The following MBTPS1 variants were observed in gnomAD, a reference collection of about 807,000 sequenced individuals.
MBTPS1 encodes the protein membrane-bound transcription factor site-1 protease.
A neutral mutation model predicts 127.8 loss-of-function variants in MBTPS1; 94 were observed. The observed-to-expected ratio is 0.74, with a 90% CI of 0.62 to 0.87. The LOEUF is 0.87. Ranked by LOEUF, MBTPS1 falls within the 40% of genes least tolerant of loss-of-function variation. The pLI, the probability that MBTPS1 is intolerant of heterozygous loss-of-function variation, is 0.00. For missense variants in MBTPS1, 1,636 were observed against 1,353.2 expected, an observed-to-expected ratio of 1.21 and a Z score of -3.28; for synonymous variants, 632 against 509.4, an observed-to-expected ratio of 1.24 and a Z score of -3.24.
intron 10 of MBTPS1, among the ~76,000 whole-genome samples, chr16:84,082,403 T>C (rs925580481): frequency 1.3e-5 from 2 of 152,102 alleles, no homozygotes; most frequent in Admixed American, 6.5e-5. Context: ...TGTTTCCAGA[T>C]TGGGAGGCTT....
At chr16:84,056,916 G>A (rs1018363032) in intron 21 of MBTPS1, 10 of 152,230 alleles carry the variant, frequency 6.6e-5, no homozygotes, top group Admixed American at 1.3e-4. Flanking sequence ...AGCGAAGAGC[G>A]CGATGGGAAA....
intron 21 of MBTPS1, 116 bp downstream of exon 21, chr16:84,059,186 G>C (rs767438918): frequency 7.4e-7 from 1 of 1,354,202 alleles, no homozygotes; most frequent in Non-Finnish European, 1.0e-6. Flanking sequence ...CAAATGACAA[G>C]CTTGAAGATC....
chr16:84,104,847 C>T (rs955352181), intron 1 of MBTPS1, among the ~76,000 whole-genome samples: 5 of 151,746 alleles, frequency 3.3e-5, no homozygotes, highest in Admixed American at 6.6e-5. Context: ...AGGCTGAGGC[C>T]GGCGGATCAC....
At chr16:84,107,282 T>C (rs983616161) in intron 1 of MBTPS1, among the ~76,000 whole-genome samples, 1 of 152,210 alleles carries the variant, frequency 6.6e-6, no homozygotes, top group Non-Finnish European at 1.5e-5. Flanking sequence ...GCCGCCAGAC[T>C]GTACCTTACC....
chr16:84,071,830 A>G (rs2085773580), intron 12 of MBTPS1: 2 of 152,206 alleles, frequency 1.3e-5, no homozygotes, highest in African/African-American at 2.4e-5. Context: ...CTGAACACAC[A>G]GCAATGGTGA....
chr16:84,115,620 T>C (rs943225315), intron 1 of MBTPS1, among the ~76,000 whole-genome samples: 46 of 152,208 alleles, frequency 3.0e-4, no homozygotes, highest in African/African-American at 1.1e-3. Flanking sequence ...GAAAGAAGCC[T>C]GACACAAAAG....
intron 1 of MBTPS1, 75 bp downstream of exon 1, chr16:84,116,660 G>T (rs150857070): frequency 1.3e-5 from 2 of 152,072 alleles, no homozygotes; most frequent in African/African-American, 4.8e-5. Flanking sequence ...GGACGCAACC[G>T]GCACACCTGA....
At chr16:84,094,729 A>T (rs2086156085) in intron 4 of MBTPS1, among the ~76,000 whole-genome samples, 1 of 152,230 alleles carries the variant, frequency 6.6e-6, no homozygotes, top group South Asian at 2.1e-4. Context: ...ATTTCTCATG[A>T]CTAGAAAATT....
At chr16:84,068,561 G>T in intron 14 of MBTPS1, 107 bp from the exon 15 acceptor site, 1 of 763,216 alleles carries the variant, frequency 1.3e-6, no homozygotes. Flanking sequence ...ATGGCCCACA[G>T]AGAAGGCCTG....
chr16:84,065,202 C>A (rs2085663789), intron 18 of MBTPS1, among the ~76,000 whole-genome samples: 1 of 151,380 alleles, frequency 6.6e-6, no homozygotes, highest in African/African-American at 2.4e-5. Flanking sequence ...ACTGCAACCT[C>A]TGCCTCCCAG....
intron 18 of MBTPS1, among the ~76,000 whole-genome samples, chr16:84,064,089 C>T (rs1377265495): frequency 3.9e-5 from 6 of 152,058 alleles, no homozygotes; most frequent in African/African-American, 1.4e-4. Context: ...TGTATAAATG[C>T]CACAGGCAGC....
chr16:84,056,243 G>T (rs984610858), intron 21 of MBTPS1, 108 bp from the exon 22 acceptor site: 3 of 937,238 alleles, frequency 3.2e-6, no homozygotes, highest in Non-Finnish European at 4.8e-6. Context: ...GATCTACGGG[G>T]AGATGTGAAA....
chr16:84,076,864 A>G (rs1330526652), intron 11 of MBTPS1, among the ~76,000 whole-genome samples: 1 of 152,246 alleles, frequency 6.6e-6, no homozygotes, highest in African/African-American at 2.4e-5. Flanking sequence ...AAAAATTCCA[A>G]CAAGCTTCTT....
At chr16:84,083,523 TCAAA>T (rs1197696103) in intron 10 of MBTPS1, among the ~76,000 whole-genome samples, 1 of 151,750 alleles carries the variant, frequency 6.6e-6, no homozygotes, top group East Asian at 1.9e-4. Flanking sequence ...ACTACTAGCC[TCAAA>T]CAATCCTCCT....
chr16:84,085,995 A>G (rs560473873), intron 9 of MBTPS1: 6 of 152,342 alleles, frequency 3.9e-5, no homozygotes, highest in South Asian at 2.1e-4. Flanking sequence ...TAACGTTTTA[A>G]TAAGTACTTG....
Position 84,060,712 on chromosome 16 carries a change from C to A in MBTPS1, c.2674G>T (p.Ala892Ser). ...ATCCTCTCTGGAGTGACTGAGCCTG[C>A]TCCACTGGGAGGGCGCTGGCGGTTC... ...SGNRQRPPSG[A>S]GSVTPERMEG... Residue 892 changes from alanine (A) to serine (S), a missense_variant, in exon 20 of 23, where the codon GCA becomes TCA. By Grantham distance (99) the Ala-to-Ser change is moderately conservative (BLOSUM62 1). Coordinates refer to ENST00000343411, the MANE Select transcript of MBTPS1 (RefSeq NM_003791.4). 6.2e-7 allele frequency: 1 copy of A among 1,614,034 alleles called. No homozygotes were observed. Among genetic ancestry groups the A allele is most frequent in the Non-Finnish European group, 8.5e-7 (1 of 1,179,952 alleles).
chr16:84,108,578 C>T (rs978659954), intron 1 of MBTPS1, among the ~76,000 whole-genome samples: 2 of 152,208 alleles, frequency 1.3e-5, no homozygotes, highest in Non-Finnish European at 2.9e-5. Flanking sequence ...AAGAAAAGCA[C>T]TTTCTAAAGA....
intron 2 of MBTPS1, 36 bp from the exon 3 acceptor site, chr16:84,099,346 C>T (rs751544394): frequency 9.4e-6 from 15 of 1,601,566 alleles, no homozygotes; most frequent in Admixed American, 3.4e-5. Flanking sequence ...ATAAGATTTA[C>T]GCACATACAT....
rs1049884 is a variant in MBTPS1, at chr16:84,101,848, A to T, written c.-65T>A. 374,694 of 1,490,158 alleles carry T rather than the reference A, an allele frequency of 0.25. 48,958 individuals are homozygous for T. Among genetic ancestry groups the T allele is most frequent in the Admixed American group, 0.31 (16,447 of 53,238 alleles). The allele number at this position is 1,490,158 out of a possible 1,614,324, so 92.3% of individuals were successfully genotyped here. ...AATCACACTTTTTTCTTCTTGATTAAAAGTGAATTTTTGTTTCAGCTAAAA... is the reference window on the plus strand; with the variant it reads ...AATCACACTTTTTTCTTCTTGATTATAAGTGAATTTTTGTTTCAGCTAAAA... On this transcript the variant is annotated 5_prime_UTR_variant, in exon 2 of 23. Transcript: ENST00000343411.
Sources: allele counts gnomAD v4.1 joint callset (sites outside exome capture counted in the v4.1 genomes callset), GRCh38; gene constraint gnomAD v4.1.1; transcripts MANE v1.5; gene names NCBI Gene and HGNC (gene_info 2026-07-23, HGNC 2026-07-21).